CRELD2: variants seen among roughly 807,000 people sequenced by gnomAD.
CRELD2 encodes the protein protein disulfide isomerase CRELD2.
In CRELD2, 33 loss-of-function variants were observed where a neutral mutation model predicts 48.1. The observed-to-expected ratio is 0.69, with a 90% CI of 0.52 to 0.92. The LOEUF is 0.92. Ranked by LOEUF, CRELD2 falls within the 40% of genes least tolerant of loss-of-function variation. The pLI, the probability that CRELD2 is intolerant of heterozygous loss-of-function variation, is 0.00. For missense variants in CRELD2, 477 were observed against 482.4 expected, an observed-to-expected ratio of 0.99 and a Z score of 0.10; for synonymous variants, 220 against 203.9, an observed-to-expected ratio of 1.08 and a Z score of -0.67.
intron 2 of CRELD2, 80 bp downstream of exon 2, chr22:49,919,392 T>G (rs2060653007): frequency 7.5e-7 from 1 of 1,324,722 alleles, no homozygotes; most frequent in South Asian, 1.2e-5. Context: ...GTGCCTGTGT[T>G]AATGACAGGG....
intron 6 of CRELD2, among the ~76,000 whole-genome samples, 168 bp downstream of exon 6, chr22:49,922,875 GCGTGAGGTGT>G (rs2060712777): frequency 1.9e-5 from 2 of 108,058 alleles, no homozygotes; most frequent in African/African-American, 7.6e-5. Context: ...GGTGTGGGGG[GCGTGAGGTGT>G]GGGGGAGCAT....
rs2060643321 is a variant in CRELD2 at position 49,918,896 on chromosome 22, C to G, written c.127C>G (p.Gln43Glu). The change falls in exon 1 of 10, where the codon CAG becomes GAG. Residue 43 changes from glutamine to glutamate, a missense_variant and splice_region_variant. By Grantham distance (29) the Gln-to-Glu change is conservative. Coordinates refer to ENST00000328268, the MANE Select transcript of CRELD2 (RefSeq NM_024324.5). ...CCGGGGGCTGGTGGACAAGTTTAAC[C>G]AGGTGGGAAGGGGCCGGGCGGGGTC... is the stretch of plus-strand genomic sequence containing the variant. ...RCRGLVDKFN[Q>E]GMVDTAKKNF... 7.6e-7 allele frequency: 1 copy of G among 1,315,738 alleles called. No homozygotes were observed. 81.5% of individuals were successfully genotyped at this position (1,315,738 alleles called of 1,614,324 possible).
chr22:49,919,625 A>G, intron 2 of CRELD2, 105 bp from the exon 3 acceptor site: 1 of 780,832 alleles, frequency 1.3e-6, no homozygotes, highest in Non-Finnish European at 2.1e-6. Context: ...CTGTGCCCGG[A>G]GTCCTGGCTC....
chr22:49,927,317 CT>C lies in CRELD2; in HGVS notation c.*12del. On this transcript the variant is annotated 3_prime_UTR_variant, in exon 10 of 10. Coordinates refer to ENST00000328268, the MANE Select transcript of CRELD2 (RefSeq NM_024324.5). ...CCGCGAAGACCTGTAATGTGCCGGA[CT>C]TACCCTTTAAATTATTCAGAAGGAT... The C allele has an allele frequency of 6.2e-7, 1 of 1,609,594 alleles. No individual in the cohort carries two copies. The highest frequency in any genetic ancestry group is 1.1e-5 in the South Asian group (1 of 91,014).
intron 4 of CRELD2, among the ~76,000 whole-genome samples, 173 bp downstream of exon 4, chr22:49,920,420 C>A (rs9616389): frequency 0.059 from 8,970 of 152,268 alleles, 329 homozygotes; most frequent in South Asian, 0.093. Context: ...GAGCACTTCG[C>A]ACCGTCTGGC....
intron 1 of CRELD2, 63 bp from the exon 2 acceptor site, chr22:49,919,167 C>T: frequency 2.0e-6 from 2 of 990,806 alleles, no homozygotes; most frequent in East Asian, 5.4e-5. Flanking sequence ...TCGACCTGGG[C>T]TCGCCCCCAC....
intron 5 of CRELD2, 55 bp downstream of exon 5, chr22:49,921,816 T>C: frequency 6.5e-7 from 1 of 1,546,032 alleles, no homozygotes; most frequent in Non-Finnish European, 8.8e-7. Context: ...CAAGAGCCCC[T>C]TGCTGGAGCT....
chr22:49,925,120 G>A (rs1261967915), intron 8 of CRELD2: 3 of 227,384 alleles, frequency 1.3e-5, no homozygotes, highest in Non-Finnish European at 2.6e-5. Flanking sequence ...GACAGAGCGA[G>A]ACTCCGCCTC....
chr22:49,921,469 C>G, intron 4 of CRELD2, 116 bp from the exon 5 acceptor site: 2 of 1,098,416 alleles, frequency 1.8e-6, no homozygotes, highest in South Asian at 3.3e-5. Context: ...AGCCTTCAGG[C>G]TCATGTACGT....
chr22:49,919,790 T>C lies in CRELD2; in HGVS notation c.273T>C (p.Asn91=), dbSNP rs9616388. The change falls in exon 3 of 10, where the codon AAT becomes AAC. Residue 91 remains asparagine, a synonymous_variant. Transcript: ENST00000328268. ...GCGAGAGCAGCGACTTCGAATGCAA[T>C]CAGATGCTAGAGGCGCAGGAGGAGC... ...GLCESSDFEC[N]QMLEAQEEHL... The C allele has an allele frequency of 0.2, 323,587 of 1,611,964 alleles. 35,285 individuals carry two copies. The highest frequency in any genetic ancestry group is 0.36 in the African/African-American group (26,617 of 74,914).
In CRELD2 at chr22:49,921,730, GCTCC is replaced by G; in HGVS notation, c.562_565del (p.Leu188GlyfsTer21). 1 of 1,612,424 alleles carries G rather than the reference GCTCC, an allele frequency of 6.2e-7. No individual in the cohort carries two copies. Among genetic ancestry groups the G allele is most frequent in the Non-Finnish European group, 8.5e-7 (1 of 1,179,730 alleles). ...ACTGCATGGACGGCTACTTCAGCTC[GCTCC>G]GGAACGAGACCCACAGCATCTGCAC... On this transcript the variant is annotated frameshift_variant, in exon 5 of 10. Transcript: ENST00000328268. LOFTEE classifies it high-confidence loss of function.
intron 4 of CRELD2, among the ~76,000 whole-genome samples, chr22:49,920,697 C>T (rs2060676262): frequency 1.3e-5 from 2 of 152,220 alleles, no homozygotes; most frequent in Admixed American, 6.5e-5. Context: ...CAATGGGTGC[C>T]AAGGGACAGG....
intron 6 of CRELD2, among the ~76,000 whole-genome samples, 193 bp downstream of exon 6, chr22:49,922,900 T>TGG (rs1322401061): frequency 2.3e-5 from 1 of 43,848 alleles, no homozygotes; most frequent in African/African-American, 8.4e-5. Flanking sequence ...GAGCATGAGG[T>TGG]GGGGCGTGAG....
rs753079355 is a variant in CRELD2 at position 49,924,379 on chromosome 22, G to A, written c.792G>A (p.Val264=). 1 of 1,612,106 alleles carries A rather than the reference G, an allele frequency of 6.2e-7. No homozygotes were observed. Among genetic ancestry groups the A allele is most frequent in the Non-Finnish European group, 8.5e-7 (1 of 1,179,284 alleles). Residue 264 remains valine (V), a synonymous_variant, in exon 8 of 10, where the codon GTG becomes GTA. Coordinates refer to ENST00000328268, the MANE Select transcript of CRELD2 (RefSeq NM_024324.5). ...YTCEECDSSC[V]GCTGEGPGNC... ...TTGCAGAGTGTGACTCCAGCTGTGT[G>A]GGCTGCACAGGGGAAGGCCCAGGAA...
In CRELD2 at chr22:49,927,441, C is replaced by T; in HGVS notation, c.*134C>T. ...TCTAACGGTTGATTCTCATTTGTCCCTTAAACAGCTGCATTTCTTGGTTGT... is the reference window on the plus strand; with the variant it reads ...TCTAACGGTTGATTCTCATTTGTCCTTTAAACAGCTGCATTTCTTGGTTGT... On this transcript the variant is annotated 3_prime_UTR_variant, in exon 10 of 10. Transcript: ENST00000328268. 1 of 708,998 alleles carries T rather than the reference C, an allele frequency of 1.4e-6. No individual in the cohort carries two copies. The highest frequency in any genetic ancestry group is 2.2e-5 in the Admixed American group (1 of 44,800). The allele number at this position is 708,998 out of a possible 1,614,324, so 43.9% of individuals were successfully genotyped here.
chr22:49,921,650 C>G lies in CRELD2; in HGVS notation c.481C>G (p.Gln161Glu), dbSNP rs1230345686. 6.2e-7 allele frequency: 1 copy of G among 1,612,864 alleles called. No homozygotes were observed. The highest frequency in any genetic ancestry group is 8.5e-7 in the Non-Finnish European group (1 of 1,179,988). ...NGHCSGDGSR[Q>E]GDGSCRCHMG... is the part of the protein sequence containing the mutation. ...CCACTGCAGCGGAGATGGGAGCAGA[C>G]AGGGCGACGGGTCCTGCCGGTGCCA... Residue 161 changes from glutamine to glutamate, a missense_variant, in exon 5 of 10, where the codon CAG becomes GAG. Gln to Glu is a conservative substitution (Grantham distance 29). Coordinates refer to ENST00000328268, the MANE Select transcript of CRELD2 (RefSeq NM_024324.5).
chr22:49,923,354 C>CACTCCGGGGCCTG (rs58876072), intron 7 of CRELD2, 37 bp downstream of exon 7: 10 of 1,528,636 alleles, frequency 6.5e-6, no homozygotes, highest in Non-Finnish European at 7.2e-6. Flanking sequence ...CCGGGGCCTG[C>CACTCCGGGGCCTG]CGGGTTTCGT....
intron 7 of CRELD2, chr22:49,923,744 G>T: frequency 5.0e-5 from 15 of 302,138 alleles, no homozygotes; most frequent in South Asian, 4.4e-4. Flanking sequence ...GGACGTTTAC[G>T]TCATAACAGT....
chr22:49,922,408 A>G (rs1198226372), intron 5 of CRELD2: 1 of 1,608,822 alleles, frequency 6.2e-7, no homozygotes, highest in Non-Finnish European at 8.5e-7. Context: ...CAGCCAGGCT[A>G]CAGCTCCAGA....
Sources: allele counts gnomAD v4.1 joint callset (sites outside exome capture counted in the v4.1 genomes callset), GRCh38; gene constraint gnomAD v4.1.1; transcripts MANE v1.5; gene names NCBI Gene and HGNC (gene_info 2026-07-23, HGNC 2026-07-21).